KIF3C: variants seen among roughly 807,000 people sequenced by gnomAD.
KIF3C encodes kinesin-like protein KIF3C.
KIF3C carries 12 observed loss-of-function variants against 67.7 expected under a neutral mutation model. The ratio of observed to expected loss-of-function variants is 0.18; its 90% CI spans 0.11 to 0.29. KIF3C has a LOEUF of 0.29. Among genes scored for constraint, KIF3C ranks in the 10% least tolerant of loss-of-function variants. KIF3C has a pLI of 1.00. For synonymous variants in KIF3C, 393 were observed against 426.2 expected, an observed-to-expected ratio of 0.92 and a Z score of 0.96; for missense variants, 789 against 1,059.6, an observed-to-expected ratio of 0.74 and a Z score of 3.55.
At position 25,955,459 on chromosome 2, in the gene KIF3C, G is replaced by A. The variant is rs1334168067; in HGVS notation, c.1770+82C>T. 1.3e-6 allele frequency: 2 copies of A among 1,522,544 alleles called. No individual in the cohort carries two copies. The highest frequency in any genetic ancestry group is 2.7e-5 in the African/African-American group (2 of 73,046). 94.3% of individuals were successfully genotyped at this position (1,522,544 alleles called of 1,614,324 possible). On this transcript the variant is annotated intron_variant, in intron 3 of 7. Transcript: ENST00000264712. The surrounding 1 kb of genome is among the most constrained non-coding windows in gnomAD (Gnocchi z 5.0). ...TTCAGCAGTTCCAGCCAAATGGGGAGGAGTCCCTGAAGCACACATCCCTTG... is the reference window on the plus strand; with the variant it reads ...TTCAGCAGTTCCAGCCAAATGGGGAAGAGTCCCTGAAGCACACATCCCTTG...
intron 5 of KIF3C, among the ~76,000 whole-genome samples, chr2:25,934,503 C>G (rs1009686508): frequency 2.0e-5 from 3 of 151,622 alleles, no homozygotes; most frequent in African/African-American, 7.3e-5. Context: ...CGCTTGAACC[C>G]GGGAGGCAGA....
Position 25,975,924 on chromosome 2 carries a change from C to G in KIF3C, c.1545+4449G>C, listed in dbSNP as rs966220412. Among the ~76,000 whole-genome samples the G allele has an allele frequency of 1.8e-3, 269 of 152,082 alleles. 2 individuals carry two copies. Among genetic ancestry groups the G allele is most frequent in the Non-Finnish European group, 3.0e-3 (204 of 67,990 alleles). On this transcript the variant is annotated intron_variant, in intron 1 of 7. Coordinates refer to ENST00000264712, the MANE Select transcript of KIF3C (RefSeq NM_002254.8). ...AGTGAGCCGAGATCACGCCACTGCA[C>G]TCCAGCCTGGGCGACAGAGTGAGAC...
chr2:25,952,716 C>A (rs900998443), intron 4 of KIF3C, among the ~76,000 whole-genome samples: 1 of 151,890 alleles, frequency 6.6e-6, no homozygotes, highest in Non-Finnish European at 1.5e-5. Flanking sequence ...TGCCACCATG[C>A]CTGGCTAATT....
In KIF3C at chr2:25,958,998, C is replaced by T. The variant is rs747766109; in HGVS notation, c.1546-2554G>A. ...CTGAGGCAGGAGAATCGCTTGAACA[C>T]GGGAGGCGGAGGTTGTGGTGAGCCG... On this transcript the variant is annotated intron_variant, in intron 1 of 7. Transcript: ENST00000264712. The surrounding 1 kb of genome is among the most constrained non-coding windows in gnomAD (Gnocchi z 4.5). 2.4e-4 allele frequency among the ~76,000 whole-genome samples: 37 copies of T among 151,856 alleles called. No homozygotes were observed. Among genetic ancestry groups the T allele is most frequent in the East Asian group, 2.0e-4 (1 of 5,090 alleles).
At chr2:25,968,769 T>C (rs1402924069) in intron 1 of KIF3C, among the ~76,000 whole-genome samples, 1 of 152,104 alleles carries the variant, frequency 6.6e-6, no homozygotes, top group African/African-American at 2.4e-5. Context: ...TTTCTAACCC[T>C]GGCCTGCTTC....
At chr2:25,968,835 C>A (rs199813352) in intron 1 of KIF3C, among the ~76,000 whole-genome samples, 10 of 132,504 alleles carry the variant, frequency 7.5e-5, no homozygotes, top group African/African-American at 2.8e-4. Flanking sequence ...TTTTTTTTTT[C>A]TTTTTTGAGA....
In KIF3C at chr2:25,929,405, G is replaced by C. The variant is rs183141136; in HGVS notation, c.2188C>G (p.Gln730Glu). Reference protein sequence around the residue: ...AVFEMEFSHDQEQDPRALHME... With the variant: ...AVFEMEFSHDEEQDPRALHME... ...TGTAGCGCACGAGGGTCTTGTTCTT[G>C]GTCGTGAGAGAATTCCATCTCAAAG... The change falls in exon 7 of 8, where the codon CAA (glutamine) becomes GAA (glutamate). Residue 730 changes from glutamine (Q) to glutamate (E), a missense_variant. Physicochemically the swap from Gln to Glu is conservative, Grantham distance 29. Transcript: ENST00000264712. The C allele has an allele frequency of 1.2e-6, 2 of 1,614,040 alleles. No individual in the cohort carries two copies. The highest frequency in any genetic ancestry group is 4.5e-5 in the East Asian group (2 of 44,866).
At chr2:25,961,546 A>G (rs1037560011) in intron 1 of KIF3C, among the ~76,000 whole-genome samples, 1 of 152,246 alleles carries the variant, frequency 6.6e-6, no homozygotes, top group Non-Finnish European at 1.5e-5. Flanking sequence ...ATGGGCAATC[A>G]ATTATAAGCC....
Position 25,959,411 on chromosome 2 carries a change from G to A in KIF3C, c.1546-2967C>T, listed in dbSNP as rs78922652. ...TTGGCAGATAACAAGTGCTCAATAC[G>A]TATTTGATGAACCAAACAGAATCCT... On this transcript the variant is annotated intron_variant, in intron 1 of 7. Coordinates refer to ENST00000264712, the MANE Select transcript of KIF3C (RefSeq NM_002254.8). Among the ~76,000 whole-genome samples the A allele has an allele frequency of 4.5e-3, 688 of 152,226 alleles. 11 individuals are homozygous for A. In the South Asian group the frequency reaches 0.074, roughly 16 times the overall value.
chr2:25,955,364 C>A lies in KIF3C; in HGVS notation c.1770+177G>T, dbSNP rs907940847. On this transcript the variant is annotated intron_variant, in intron 3 of 7. Transcript: ENST00000264712. The surrounding 1 kb of genome is among the most constrained non-coding windows in gnomAD (Gnocchi z 5.0). ...CTGGCCCAGGAGAAAAGGCTCTACTCCACCCCCAGCCCCCGCCTCCTGCCT... is the reference window on the plus strand; with the variant it reads ...CTGGCCCAGGAGAAAAGGCTCTACTACACCCCCAGCCCCCGCCTCCTGCCT... Among the ~76,000 whole-genome samples, 1 of 152,096 alleles carries A rather than the reference C, an allele frequency of 6.6e-6. No homozygotes were observed. The highest frequency in any genetic ancestry group is 6.5e-5 in the Admixed American group (1 of 15,268).
chr2:25,932,413 A>G (rs1326843967), intron 5 of KIF3C, among the ~76,000 whole-genome samples: 2 of 150,908 alleles, frequency 1.3e-5, no homozygotes, highest in Non-Finnish European at 2.9e-5. Context: ...TGCTGGGATT[A>G]TAGGCATGAG....
intron 5 of KIF3C, among the ~76,000 whole-genome samples, chr2:25,936,678 T>A (rs1373108844): frequency 6.6e-6 from 1 of 152,180 alleles, no homozygotes; most frequent in African/African-American, 2.4e-5. Flanking sequence ...TTGCAGGGTA[T>A]GTGGATTTTC....
In KIF3C at chr2:25,951,808, G is replaced by C; in HGVS notation, c.1987C>G (p.Pro663Ala). The C allele has an allele frequency of 1.2e-6, 2 of 1,613,296 alleles. No individual in the cohort carries two copies. The highest frequency in any genetic ancestry group is 1.7e-6 in the Non-Finnish European group (2 of 1,179,434). Residue 663 changes from proline (P) to alanine (A), a missense_variant, in exon 5 of 8, where the codon CCA becomes GCA. This residue lies in a region of KIF3C where 648 missense variants were observed against 807.8 expected (regional missense o/e 0.80). Transcript: ENST00000264712. ...DCEEEQWKFQ[P>A]LVPAGVSSSQ... ...ACTCACACGCCGGCTGGCACCAGTG[G>C]CTGGAACTTCCACTGCTCCTCCTCA... is the stretch of plus-strand genomic sequence containing the variant.
intron 1 of KIF3C, among the ~76,000 whole-genome samples, chr2:25,962,817 TAA>T (rs1663992701): frequency 1.3e-5 from 1 of 79,746 alleles, no homozygotes; most frequent in Non-Finnish European, 2.2e-5. Context: ...ATAATATATA[TAA>T]TATATAAAAT....
chr2:25,971,550 G>A (rs1430859663), intron 1 of KIF3C, among the ~76,000 whole-genome samples: 6 of 152,146 alleles, frequency 3.9e-5, no homozygotes, highest in African/African-American at 1.4e-4. Flanking sequence ...TTTTTAGTAT[G>A]AGGTGGAGTT....
At chr2:25,943,372 A>C (rs1259519296) in intron 5 of KIF3C, among the ~76,000 whole-genome samples, 1 of 152,130 alleles carries the variant, frequency 6.6e-6, no homozygotes. Flanking sequence ...CATGGGGCAG[A>C]TGACCTCAGA....
chr2:25,976,862 T>C (rs1456308117), intron 1 of KIF3C, among the ~76,000 whole-genome samples: 6 of 152,220 alleles, frequency 3.9e-5, no homozygotes, highest in Non-Finnish European at 8.8e-5. Flanking sequence ...CTACGTGTGT[T>C]CACCTGTCCT....
intron 3 of KIF3C, among the ~76,000 whole-genome samples, chr2:25,954,611 GCT>G (rs1663758324): frequency 1.3e-5 from 2 of 152,216 alleles, no homozygotes. Flanking sequence ...ACCATTGTCT[GCT>G]CTTTCTCAGC....
At position 25,943,822 on chromosome 2, in the gene KIF3C, G is replaced by A. The variant is rs900061319; in HGVS notation, c.2006+7967C>T. ...AGAGGTAGGGGTGAGCCAAGATTGC[G>A]CAATTGCACTTTAGCATGGGCAACA... On this transcript the variant is annotated intron_variant, in intron 5 of 7. Coordinates refer to ENST00000264712, the MANE Select transcript of KIF3C (RefSeq NM_002254.8). Among the ~76,000 whole-genome samples the A allele has an allele frequency of 9.9e-5, 15 of 151,074 alleles. No individual in the cohort carries two copies. In the East Asian group the frequency reaches 1.4e-3, roughly 14 times the overall value.
Sources: allele counts gnomAD v4.1 joint callset (sites outside exome capture counted in the v4.1 genomes callset), GRCh38; gene constraint gnomAD v4.1.1; regional missense constraint gnomAD v4.1.1; non-coding constraint Gnocchi (gnomAD v3.1); transcripts MANE v1.5; gene names NCBI Gene and HGNC (gene_info 2026-07-23, HGNC 2026-07-21).